Variants in FGF7 observed in about 807,000 individuals in gnomAD.
FGF7 encodes FGF-7.
In FGF7, 6 loss-of-function variants were observed where a neutral mutation model predicts 20.5. The ratio of observed to expected loss-of-function variants is 0.29; its 90% CI spans 0.16 to 0.58. The LOEUF is 0.58. Among genes scored for constraint, FGF7 ranks in the 20% least tolerant of loss-of-function variants. The pLI is 0.90. For missense variants in FGF7, 144 were observed against 228.8 expected (o/e 0.63, Z 2.39); for synonymous variants, 64 against 74.7 (o/e 0.86, Z 0.74).
In FGF7 at chr15:49,443,293, T is replaced by C. The variant is rs2051851748; in HGVS notation, c.286+18710T>C. Among the ~76,000 whole-genome samples, 5 of 151,736 alleles carry C rather than the reference T, an allele frequency of 3.3e-5. 1 individual carries two copies. The South Asian group carries it at 1.0e-3, about 31-fold the overall frequency. On this transcript the variant is annotated intron_variant, in intron 2 of 3. Transcript: ENST00000267843. ...TACTGAATTTCTTTACTATTATATA[T>C]GTTTTTGAGGTTATTTCTAATGTAT...
At chr15:49,478,413 T>C (rs1183136463) in intron 2 of FGF7, among the ~76,000 whole-genome samples, 6 of 152,242 alleles carry the variant, frequency 3.9e-5, no homozygotes, top group Admixed American at 2.6e-4. Context: ...CATATATGTA[T>C]ATGTCGGTGT....
chr15:49,477,268 T>G (rs1187867345), intron 2 of FGF7, among the ~76,000 whole-genome samples: 1 of 152,218 alleles, frequency 6.6e-6, no homozygotes, highest in Non-Finnish European at 1.5e-5. Flanking sequence ...ATATCATGTA[T>G]CCACTATTAC....
At chr15:49,426,259 C>T (rs1433974018) in intron 2 of FGF7, among the ~76,000 whole-genome samples, 4 of 151,590 alleles carry the variant, frequency 2.6e-5, no homozygotes, top group African/African-American at 9.7e-5. Flanking sequence ...TATTTTAAAC[C>T]GCAGAATATA....
chr15:49,478,731 A>G (rs1311987674), intron 2 of FGF7, among the ~76,000 whole-genome samples: 16 of 152,160 alleles, frequency 1.1e-4, no homozygotes, highest in Non-Finnish European at 1.5e-5. Flanking sequence ...TACCCCTTCA[A>G]AACTTTAAAT....
In FGF7 at chr15:49,484,434, T is replaced by C. The variant is rs1197440594; in HGVS notation, c.515T>C (p.Ile172Thr). The C allele has an allele frequency of 6.3e-7, 1 of 1,590,412 alleles. No homozygotes were observed. Among genetic ancestry groups the C allele is most frequent in the African/African-American group, 1.3e-5 (1 of 74,252 alleles). ...EMFVALNQKG[I>T]PVRGKKTKKE... ...TTTGTTGCCTTAAATCAAAAGGGGA[T>C]TCCTGTAAGAGGAAAAAAAACGAAG... Residue 172 changes from isoleucine (I) to threonine (T), a missense_variant, in exon 4 of 4, where the codon ATT becomes ACT. By Grantham distance (89) the Ile-to-Thr change is moderately conservative (BLOSUM62 -1). Around this residue, in one of 2 missense-constraint regions of FGF7, gnomAD observed 56 missense variants for 125.4 expected, o/e 0.45. Coordinates refer to ENST00000267843, the MANE Select transcript of FGF7 (RefSeq NM_002009.4).
At chr15:49,442,320 G>A (rs923322282) in intron 2 of FGF7, among the ~76,000 whole-genome samples, 1 of 151,294 alleles carries the variant, frequency 6.6e-6, no homozygotes, top group African/African-American at 2.4e-5. Context: ...CATTCTTCAG[G>A]GCCCAGATTA....
intron 2 of FGF7, among the ~76,000 whole-genome samples, chr15:49,476,729 C>G (rs2055355903): frequency 6.6e-6 from 1 of 152,096 alleles, no homozygotes; most frequent in African/African-American, 2.4e-5. Flanking sequence ...AATTAGTAGA[C>G]TTTGTATTTT....
At chr15:49,472,583 G>C (rs1296457071) in intron 2 of FGF7, among the ~76,000 whole-genome samples, 1 of 152,154 alleles carries the variant, frequency 6.6e-6, no homozygotes, top group Non-Finnish European at 1.5e-5. Flanking sequence ...GAGAATAAAA[G>C]TTGGGAACAA....
At chr15:49,452,734 G>A (rs527477271) in intron 2 of FGF7, among the ~76,000 whole-genome samples, 2 of 152,222 alleles carry the variant, frequency 1.3e-5, no homozygotes, top group South Asian at 4.2e-4. Flanking sequence ...TTGGGTGACT[G>A]AGATAGTATC....
chr15:49,438,453 T>A (rs1031520325), intron 2 of FGF7, among the ~76,000 whole-genome samples: 10 of 151,838 alleles, frequency 6.6e-5, no homozygotes, highest in African/African-American at 2.4e-4. Flanking sequence ...TGGACCAGAT[T>A]GTCAATTGCA....
chr15:49,486,080 C>T lies in FGF7; in HGVS notation c.*1576C>T, dbSNP rs1373504512. The stretch of plus-strand genomic sequence containing the variant: ...ATCTTGGTAGCACTTTATATGTTCA[C>T]CAATGGGAGGTCAATATTTATCTAA... On this transcript the variant is annotated 3_prime_UTR_variant, in exon 4 of 4. Transcript: ENST00000267843. 2.0e-5 allele frequency: 3 copies of T among 151,968 alleles called. No individual in the cohort carries two copies. The highest frequency in any genetic ancestry group is 7.2e-5 in the African/African-American group (3 of 41,396). 9.4% of individuals were successfully genotyped at this position (151,968 alleles called of 1,614,324 possible).
At chr15:49,476,798 G>A (rs532599202) in intron 2 of FGF7, among the ~76,000 whole-genome samples, 6 of 152,182 alleles carry the variant, frequency 3.9e-5, no homozygotes, top group South Asian at 2.1e-4. Flanking sequence ...GGTGGCTCAC[G>A]CCTGTAATCC....
At chr15:49,430,050 T>G (rs972541434) in intron 2 of FGF7, among the ~76,000 whole-genome samples, 8 of 151,880 alleles carry the variant, frequency 5.3e-5, no homozygotes, top group Non-Finnish European at 7.4e-5. Flanking sequence ...TAGGCTTGAT[T>G]AGGCATAAAT....
intron 2 of FGF7, among the ~76,000 whole-genome samples, chr15:49,472,129 C>G (rs2151969950): frequency 6.6e-6 from 1 of 152,128 alleles, no homozygotes; most frequent in South Asian, 2.1e-4. Flanking sequence ...AAATAGGCTC[C>G]TGGAGTTTTA....
chr15:49,483,004 T>C, intron 2 of FGF7, 147 bp from the exon 3 acceptor site: 1 of 650,768 alleles, frequency 1.5e-6, no homozygotes, highest in Non-Finnish European at 2.8e-6. Flanking sequence ...GTATCTGTTG[T>C]GGGTCAGGGG....
At chr15:49,443,445 A>G (rs2051869584) in intron 2 of FGF7, among the ~76,000 whole-genome samples, 1 of 151,554 alleles carries the variant, frequency 6.6e-6, no homozygotes, top group Non-Finnish European at 1.5e-5. Flanking sequence ...AAATTGGCCA[A>G]TGCTACAAAT....
At chr15:49,445,269 C>T (rs1242735055) in intron 2 of FGF7, among the ~76,000 whole-genome samples, 1 of 151,610 alleles carries the variant, frequency 6.6e-6, no homozygotes, top group African/African-American at 2.4e-5. Context: ...CCCTTGCCTA[C>T]ATCTCTACCT....
At chr15:49,463,860 C>T (rs1271215457) in intron 2 of FGF7, among the ~76,000 whole-genome samples, 2 of 152,190 alleles carry the variant, frequency 1.3e-5, no homozygotes, top group African/African-American at 4.8e-5. Flanking sequence ...CTCTTATAAG[C>T]ACAGAAATAT....
chr15:49,454,563 T>C (rs1243731664), intron 2 of FGF7, among the ~76,000 whole-genome samples: 1 of 152,190 alleles, frequency 6.6e-6, no homozygotes, highest in African/African-American at 2.4e-5. Context: ...AGAAGAGGTC[T>C]CCAAGATCTA....
Sources: gnomAD v4.1 joint callset for allele counts (sites outside exome capture counted in the v4.1 genomes callset) on GRCh38, gnomAD v4.1.1 for gene constraint, gnomAD v4.1.1 regional missense constraint, MANE v1.5 for transcripts, NCBI Gene and HGNC (gene_info 2026-07-23, HGNC 2026-07-21) for gene names.